The following PGR variants were observed in gnomAD, a reference collection of about 807,000 sequenced individuals.
PGR encodes nuclear receptor subfamily 3 group C member 3.
In PGR, 25 loss-of-function variants were observed where a neutral mutation model predicts 76.1. That is an observed-to-expected ratio of 0.33 (90% confidence interval 0.24 to 0.46). PGR has a LOEUF of 0.46. Among genes scored for constraint, PGR ranks in the 20% least tolerant of loss-of-function variants. PGR has a pLI of 1.00. For synonymous variants in PGR, 579 were observed against 535.0 expected (o/e 1.08, Z -1.14); for missense variants, 1,172 against 1,225.3 (o/e 0.96, Z 0.65).
chr11:101,087,805 AC>A (rs1861543352), intron 3 of PGR, among the ~76,000 whole-genome samples: 1 of 152,156 alleles, frequency 6.6e-6, no homozygotes, highest in Non-Finnish European at 1.5e-5. Flanking sequence ...AAGGAGACAT[AC>A]AAGCAGCCAA....
chr11:101,128,584 G>T lies in PGR; in HGVS notation c.487C>A (p.Pro163Thr), dbSNP rs772284923. The T allele has an allele frequency of 1.9e-5, 30 of 1,595,666 alleles. No homozygotes were observed. Among genetic ancestry groups the T allele is most frequent in the Non-Finnish European group, 2.4e-5 (28 of 1,173,848 alleles). Residue 163 changes from proline (P) to threonine (T), a missense_variant, in exon 1 of 8, where the codon CCG becomes ACG. Pro to Thr is a conservative substitution (Grantham distance 38). This residue lies in a region of PGR where 893 missense variants were observed against 785.9 expected (regional missense o/e 1.14). Transcript: ENST00000325455. ...TTGCACCCGGACCGGCTCATGAGCG[G>T]GGACAACACCCGCTGGGTGGCGGGG... ...AAPATQRVLS[P>T]LMSRSGCKVG... is the part of the protein sequence containing the mutation.
intron 3 of PGR, among the ~76,000 whole-genome samples, chr11:101,064,763 T>G (rs967728702): frequency 3.9e-5 from 6 of 152,332 alleles, no homozygotes; most frequent in Admixed American, 6.5e-5. Context: ...CTTGTCTTTA[T>G]TATCTGTTGC....
intron 4 of PGR, among the ~76,000 whole-genome samples, chr11:101,054,152 T>C (rs1329019270): frequency 6.6e-6 from 1 of 152,206 alleles, no homozygotes; most frequent in Admixed American, 6.5e-5. Context: ...CTAGCTTCTA[T>C]TCAGTGAACC....
chr11:101,129,289 G>A lies in PGR; in HGVS notation c.-219C>T. On this transcript the variant is annotated 5_prime_UTR_variant, in exon 1 of 8. Coordinates refer to ENST00000325455, the MANE Select transcript of PGR (RefSeq NM_000926.4). ...TCCTGTCGTCAGGGGAACTGTGGCT[G>A]TCGTTTGTCCCAGCGAGCGGCAAGT... is the stretch of plus-strand genomic sequence containing the variant. 1 of 511,480 alleles carries A rather than the reference G, an allele frequency of 2.0e-6. No individual in the cohort carries two copies. The highest frequency in any genetic ancestry group is 3.4e-6 in the Non-Finnish European group (1 of 290,732). The allele number at this position is 511,480 out of a possible 1,614,324, so 31.7% of individuals were successfully genotyped here. A position where few individuals can be genotyped will look rare whatever the true frequency, so the allele number is the denominator to read the frequency against.
chr11:101,045,091 C>T (rs143197731), intron 6 of PGR, among the ~76,000 whole-genome samples: 1 of 152,176 alleles, frequency 6.6e-6, no homozygotes, highest in Non-Finnish European at 1.5e-5. Context: ...CCCTGCACCC[C>T]AATCAAAACT....
intron 2 of PGR, among the ~76,000 whole-genome samples, chr11:101,110,294 C>A (rs540473186): frequency 1.3e-5 from 2 of 152,266 alleles, no homozygotes; most frequent in East Asian, 1.9e-4. Flanking sequence ...TTTTAGAAAG[C>A]GTTCATCATT....
chr11:101,096,792 G>C (rs1861847728), intron 2 of PGR, among the ~76,000 whole-genome samples: 1 of 152,108 alleles, frequency 6.6e-6, no homozygotes, highest in Admixed American at 6.6e-5. Flanking sequence ...TAGGTTGATG[G>C]CTCAAATTGC....
intron 3 of PGR, among the ~76,000 whole-genome samples, chr11:101,070,588 C>T (rs185036927): frequency 1.3e-5 from 2 of 152,318 alleles, no homozygotes; most frequent in African/African-American, 4.8e-5. Context: ...GAAATTCTCG[C>T]TGCCAGCACA....
At chr11:101,087,815 A>T (rs1861543611) in intron 3 of PGR, among the ~76,000 whole-genome samples, 1 of 152,176 alleles carries the variant, frequency 6.6e-6, no homozygotes, top group Admixed American at 6.5e-5. Flanking sequence ...ACAAGCAGCC[A>T]ACAAACATTT....
Position 101,129,483 on chromosome 11 carries a change from C to T in PGR, c.-413G>A, listed in dbSNP as rs10895068. 0.037 allele frequency: 8,834 copies of T among 238,568 alleles called. 240 individuals carry two copies. Among genetic ancestry groups the T allele is most frequent in the Non-Finnish European group, 0.054 (6,645 of 122,464 alleles). 14.8% of individuals were successfully genotyped at this position (238,568 alleles called of 1,614,324 possible). A position where few individuals can be genotyped will look rare whatever the true frequency, so the allele number is the denominator to read the frequency against. ...ACGGCAATTTAGTGACACGCGGCTC[C>T]TTTATCTCCCGACTTTTTCTCTGGC... On this transcript the variant is annotated 5_prime_UTR_variant, in exon 1 of 8. Coordinates refer to ENST00000325455, the MANE Select transcript of PGR (RefSeq NM_000926.4).
At chr11:101,077,768 G>C (rs1270292563) in intron 3 of PGR, among the ~76,000 whole-genome samples, 1 of 152,160 alleles carries the variant, frequency 6.6e-6, no homozygotes, top group African/African-American at 2.4e-5. Flanking sequence ...ACATCAGTTG[G>C]CTGCAGGCTC....
intron 3 of PGR, among the ~76,000 whole-genome samples, chr11:101,084,194 C>T (rs1861413871): frequency 6.6e-6 from 1 of 152,174 alleles, no homozygotes; most frequent in Admixed American, 6.5e-5. Context: ...TTCTTGCTTC[C>T]CCTTCACCTT....
At chr11:101,078,836 A>G (rs888234692) in intron 3 of PGR, among the ~76,000 whole-genome samples, 3 of 152,330 alleles carry the variant, frequency 2.0e-5, no homozygotes, top group Non-Finnish European at 4.4e-5. Context: ...AAGCTTTCTA[A>G]TATTCTCTCA....
At chr11:101,084,901 TAAG>T (rs1251801626) in intron 3 of PGR, among the ~76,000 whole-genome samples, 1 of 152,224 alleles carries the variant, frequency 6.6e-6, no homozygotes, top group African/African-American at 2.4e-5. Context: ...AAGAGTTCAA[TAAG>T]AAGATTTAAC....
intron 2 of PGR, among the ~76,000 whole-genome samples, chr11:101,108,106 T>C (rs1862232068): frequency 6.6e-6 from 1 of 151,648 alleles, no homozygotes; most frequent in South Asian, 2.1e-4. Flanking sequence ...ATAAAAAAAT[T>C]AGGTGGGCTT....
At chr11:101,050,623 A>T (rs920344909) in intron 5 of PGR, among the ~76,000 whole-genome samples, 2 of 152,146 alleles carry the variant, frequency 1.3e-5, no homozygotes, top group Non-Finnish European at 2.9e-5. Flanking sequence ...AGAAAATTTA[A>T]TTAAGGCATT....
intron 2 of PGR, among the ~76,000 whole-genome samples, chr11:101,093,012 C>T (rs516693): frequency 0.17 from 25,250 of 152,028 alleles, 2,439 homozygotes; most frequent in African/African-American, 0.27. Context: ...TTAGCCTAAA[C>T]GGCAAAGGGC....
At chr11:101,062,958 C>T (rs1450715263) in intron 3 of PGR, 4 of 462,388 alleles carry the variant, frequency 8.7e-6, no homozygotes, top group Non-Finnish European at 1.2e-5. Context: ...ATTTAGGCCT[C>T]AGACTTGGAT....
chr11:101,075,500 C>A (rs950500729), intron 3 of PGR, among the ~76,000 whole-genome samples: 2 of 151,634 alleles, frequency 1.3e-5, no homozygotes, highest in African/African-American at 2.4e-5. Context: ...ACCTTCTGCA[C>A]AGCAAAAGAA....
Sources: gnomAD v4.1 joint callset for allele counts (sites outside exome capture counted in the v4.1 genomes callset) on GRCh38, gnomAD v4.1.1 for gene constraint, gnomAD v4.1.1 regional missense constraint, MANE v1.5 for transcripts, NCBI Gene and HGNC (gene_info 2026-07-23, HGNC 2026-07-21) for gene names.